MIS18A: variants seen among roughly 807,000 people sequenced by gnomAD.
MIS18A encodes the protein MIS18 kinetochore protein A, also known as protein Mis18-alpha.
In MIS18A, 14 loss-of-function variants were observed where a neutral mutation model predicts 25.0. That is an observed-to-expected ratio of 0.56 (90% CI 0.37 to 0.88). The LOEUF (loss-of-function observed/expected upper bound fraction) is 0.88. Ranked by LOEUF, MIS18A falls within the 40% of genes least tolerant of loss-of-function variation. The pLI, the probability that MIS18A is intolerant of heterozygous loss-of-function variation, is 0.00. For synonymous variants in MIS18A, 134 were observed against 118.6 expected (o/e 1.13, Z -0.84); for missense variants, 292 against 290.8 (o/e 1.00, Z -0.03).
the MIS18A span, among the ~76,000 whole-genome samples, chr21:32,201,133 G>C: frequency 6.6e-6 from 1 of 152,072 alleles, no homozygotes; most frequent in Non-Finnish European, 1.5e-5. Flanking sequence ...TGGTGAGAGA[G>C]GGAGAAAGAA....
chr21:32,240,271 G>A, the MIS18A span, among the ~76,000 whole-genome samples: 11 of 152,244 alleles, frequency 7.2e-5, no homozygotes, highest in Non-Finnish European at 1.5e-4. Flanking sequence ...CTCTGGACAG[G>A]TGATTAGGTC....
chr21:32,254,032 C>T, the MIS18A span, among the ~76,000 whole-genome samples: 6 of 151,158 alleles, frequency 4.0e-5, no homozygotes, highest in South Asian at 2.1e-4. Flanking sequence ...GTCAGGAGTT[C>T]GAGACCAGCC....
chr21:32,213,427 A>T, the MIS18A span, among the ~76,000 whole-genome samples: 1 of 152,266 alleles, frequency 6.6e-6, no homozygotes, highest in Admixed American at 6.5e-5. Flanking sequence ...TGTGTATAAT[A>T]TGCTACTCTT....
In MIS18A at chr21:32,268,895, A is replaced by T. The variant is rs1261706665; in HGVS notation, c.*142T>A. 3.1e-5 allele frequency: 17 copies of T among 549,330 alleles called. No homozygotes were observed. The East Asian group carries it at 5.0e-4, about 16-fold the overall frequency. 34.0% of individuals were successfully genotyped at this position (549,330 alleles called of 1,614,324 possible). On this transcript the variant is annotated 3_prime_UTR_variant, in exon 5 of 5. Transcript: ENST00000290130. ...AGCCTCAACCTCCCAAGCTCATCTG[A>T]TCCTCCCACCTCAGCGTTTCGCATG...
At chr21:32,253,096 G>C in the MIS18A span, among the ~76,000 whole-genome samples, 3 of 152,196 alleles carry the variant, frequency 2.0e-5, no homozygotes, top group Non-Finnish European at 2.9e-5. Context: ...ACCTGGGCGA[G>C]GACGGAAGGG....
the MIS18A span, among the ~76,000 whole-genome samples, chr21:32,254,743 T>A: frequency 6.6e-6 from 1 of 152,140 alleles, no homozygotes; most frequent in Non-Finnish European, 1.5e-5. Context: ...CCTCTTTTAT[T>A]CTCATTGTAT....
chr21:32,234,171 T>C, the MIS18A span, among the ~76,000 whole-genome samples: 8 of 152,226 alleles, frequency 5.3e-5, no homozygotes, highest in African/African-American at 1.7e-4. Context: ...CTCTTTCTAA[T>C]ATTCTTGCAA....
Position 32,268,711 on chromosome 21 carries a change from T to TA in MIS18A, c.*325dup. On this transcript the variant is annotated 3_prime_UTR_variant, in exon 5 of 5. Transcript: ENST00000290130. ...TAAGTCCCAATTCCAACAAGTACCA[T>TA]AAAACGTCTTTAAAATGCGATTTTG... The TA allele has an allele frequency of 5.4e-6, 1 of 184,382 alleles. No homozygotes were observed. The highest frequency in any genetic ancestry group is 1.1e-5 in the Non-Finnish European group (1 of 89,614). The allele number at this position is 184,382 out of a possible 1,614,324, so 11.4% of individuals were successfully genotyped here.
the MIS18A span, among the ~76,000 whole-genome samples, chr21:32,231,357 T>C: frequency 6.6e-6 from 1 of 150,874 alleles, no homozygotes; most frequent in Admixed American, 6.6e-5. Flanking sequence ...AAAAGACAAA[T>C]AATCTATTAC....
intron 1 of MIS18A, among the ~76,000 whole-genome samples, chr21:32,275,883 T>G (rs1569016133): frequency 6.6e-6 from 1 of 152,118 alleles, no homozygotes; most frequent in Non-Finnish European, 1.5e-5. Flanking sequence ...CCTGGACTAC[T>G]GCCCTGGCTC....
chr21:32,190,056 CAGA>C, the MIS18A span, among the ~76,000 whole-genome samples: 306 of 152,282 alleles, frequency 2.0e-3, 1 homozygote, highest in African/African-American at 7.1e-3. Flanking sequence ...GTGAAAATTA[CAGA>C]AGAAGGTAAC....
At chr21:32,239,234 C>A in the MIS18A span, among the ~76,000 whole-genome samples, 5 of 152,084 alleles carry the variant, frequency 3.3e-5, no homozygotes, top group Non-Finnish European at 1.5e-5. Context: ...GCTTTCCGTC[C>A]GACCTTGAGA....
chr21:32,179,771 G>C, the MIS18A span, among the ~76,000 whole-genome samples: 5 of 152,152 alleles, frequency 3.3e-5, no homozygotes, highest in Non-Finnish European at 7.3e-5. Context: ...TGACTTTCTC[G>C]AGTTCAGACA....
the MIS18A span, among the ~76,000 whole-genome samples, chr21:32,176,676 G>A: frequency 6.6e-6 from 1 of 151,628 alleles, no homozygotes; most frequent in Non-Finnish European, 1.5e-5. Flanking sequence ...GAAAACAGCA[G>A]GAACATAAAA....
In MIS18A at chr21:32,269,713, T is replaced by C; in HGVS notation, c.615A>G (p.Leu205=). The C allele has an allele frequency of 6.3e-7, 1 of 1,578,348 alleles. No individual in the cohort carries two copies. Among genetic ancestry groups the C allele is most frequent in the Non-Finnish European group, 8.7e-7 (1 of 1,147,502 alleles). The change falls in exon 4 of 5, where the codon CTA becomes CTG. Residue 205 remains leucine (L), a synonymous_variant. Transcript: ENST00000290130. The stretch of plus-strand genomic sequence containing the variant: ...ATGTACAGAATAAAATTACCTGTGT[T>C]AGAGACTTTTCTATTTCAACTCTGC... ...LESRVEIEKS[L]TQMEDVLKAL...
the MIS18A span, among the ~76,000 whole-genome samples, chr21:32,193,138 G>A: frequency 7.2e-5 from 11 of 152,016 alleles, no homozygotes; most frequent in South Asian, 2.1e-4. Context: ...ATTCCCTTGC[G>A]CTCTGTCCCC....
chr21:32,213,743 G>A, the MIS18A span, among the ~76,000 whole-genome samples: 1 of 152,074 alleles, frequency 6.6e-6, no homozygotes, highest in Non-Finnish European at 1.5e-5. Flanking sequence ...TGAGGTTAAT[G>A]TCAAGGTGTC....
chr21:32,245,530 C>G, the MIS18A span, among the ~76,000 whole-genome samples: 1 of 152,028 alleles, frequency 6.6e-6, no homozygotes, highest in African/African-American at 2.4e-5. Context: ...CTAGCAACAC[C>G]AGAGGAAGCT....
the MIS18A span, among the ~76,000 whole-genome samples, chr21:32,262,279 G>A: frequency 1.3e-5 from 2 of 152,188 alleles, no homozygotes; most frequent in African/African-American, 2.4e-5. Flanking sequence ...CCATCCCTAG[G>A]GAAGCAGTTG....
Sources: gnomAD v4.1 joint callset for allele counts (sites outside exome capture counted in the v4.1 genomes callset) on GRCh38, gnomAD v4.1.1 for gene constraint, MANE v1.5 for transcripts, NCBI Gene and HGNC (gene_info 2026-07-23, HGNC 2026-07-21) for gene names.